AFAP1: variants seen among roughly 807,000 people sequenced by gnomAD.
The protein encoded by AFAP1 is actin filament-associated protein 1.
Under a neutral mutation model 93.9 loss-of-function variants are expected in AFAP1, and 75 were observed. The ratio of observed to expected loss-of-function variants is 0.80; its 90% CI spans 0.66 to 0.97. The LOEUF is 0.97. Ranked by LOEUF, AFAP1 falls within the 50% of genes least tolerant of loss-of-function variation. AFAP1 has a pLI of 0.00. For synonymous variants in AFAP1, 517 were observed against 430.7 expected, an observed-to-expected ratio of 1.20 and a Z score of -2.48; for missense variants, 1,201 against 1,050.8, an observed-to-expected ratio of 1.14 and a Z score of -1.98.
At chr4:7,927,666 T>C (rs1188136017) in intron 1 of AFAP1, among the ~76,000 whole-genome samples, 2 of 152,174 alleles carry the variant, frequency 1.3e-5, no homozygotes, top group African/African-American at 4.8e-5. Context: ...CTCTAAAAAT[T>C]TGTTTGTGTA....
At position 7,843,326 on chromosome 4, in the gene AFAP1, C is replaced by G. The variant is rs772911590; in HGVS notation, c.359G>C (p.Ser120Thr). The change falls in exon 5 of 18, where the codon AGC becomes ACC. Residue 120 changes from serine (S) to threonine (T), a missense_variant. Coordinates refer to ENST00000420658, the MANE Select transcript of AFAP1 (RefSeq NM_001134647.2). ...TSNYDSDAMSSSYESYDEEEE... is the reference protein window; with the variant it reads ...TSNYDSDAMSTSYESYDEEEE... ...CTCTTCATCATACGACTCATAAGAG[C>G]TGCTCATCGCATCGGAATCATAATC... The G allele has an allele frequency of 6.2e-7, 1 of 1,613,908 alleles. No homozygotes were observed. The highest frequency in any genetic ancestry group is 1.1e-5 in the South Asian group (1 of 91,008).
chr4:7,841,151 C>A (rs895779342), intron 5 of AFAP1, among the ~76,000 whole-genome samples: 1 of 152,184 alleles, frequency 6.6e-6, no homozygotes, highest in South Asian at 2.1e-4. Flanking sequence ...TATGAATGGG[C>A]GTCCTGAAGA....
intron 1 of AFAP1, among the ~76,000 whole-genome samples, chr4:7,909,939 C>G (rs1263890752): frequency 6.6e-6 from 1 of 152,128 alleles, no homozygotes. Context: ...CTAAGCACTA[C>G]GAATCGGGCT....
intron 1 of AFAP1, among the ~76,000 whole-genome samples, chr4:7,894,573 C>T (rs1319459707): frequency 1.3e-5 from 2 of 152,156 alleles, no homozygotes; most frequent in South Asian, 4.1e-4. Context: ...TGACCATGCT[C>T]CTTTCAGAAT....
Position 7,869,865 on chromosome 4 carries a change from A to T in AFAP1, c.128-1146T>A, listed in dbSNP as rs536173802. 3.1e-3 allele frequency among the ~76,000 whole-genome samples: 478 copies of T among 151,982 alleles called. 2 individuals carry two copies. Among genetic ancestry groups the T allele is most frequent in the Non-Finnish European group, 5.2e-3 (350 of 67,944 alleles). The stretch of plus-strand genomic sequence containing the variant: ...GATAAATGACACACACACACACACA[A>T]AATCAATAGATAGGTTTAAAGCAAA... On this transcript the variant is annotated intron_variant, in intron 2 of 17. Transcript: ENST00000420658.
At chr4:7,892,263 C>T (rs1354488433) in intron 1 of AFAP1, among the ~76,000 whole-genome samples, 1 of 152,134 alleles carries the variant, frequency 6.6e-6, no homozygotes, top group Non-Finnish European at 1.5e-5. Context: ...CTACACAGGC[C>T]TCTCGACATG....
rs28444363 is a variant in AFAP1 at position 7,848,963 on chromosome 4, C to A, written c.335-5613G>T. Among the ~76,000 whole-genome samples, 878 of 152,320 alleles carry A rather than the reference C, an allele frequency of 5.8e-3. 5 individuals are homozygous for A. The highest frequency in any genetic ancestry group is 0.019 in the African/African-American group (771 of 41,584). ...CACACACACTGCACATCAGGCACAT[C>A]AGAGCCAGCAACGGTGCCCTGAGAA... On this transcript the variant is annotated intron_variant, in intron 4 of 17. Coordinates refer to ENST00000420658, the MANE Select transcript of AFAP1 (RefSeq NM_001134647.2).
chr4:7,792,325 AC>A (rs1294976797), intron 11 of AFAP1, among the ~76,000 whole-genome samples: 4 of 151,684 alleles, frequency 2.6e-5, no homozygotes, highest in Non-Finnish European at 4.4e-5. Flanking sequence ...TCAAATGTTG[AC>A]CCCTTCATTA....
chr4:7,889,690 GTT>G (rs377063737), intron 1 of AFAP1, among the ~76,000 whole-genome samples: 27 of 107,212 alleles, frequency 2.5e-4, no homozygotes, highest in East Asian at 1.1e-3. Context: ...TCAATGAAGC[GTT>G]TTTTTTTTTT....
chr4:7,806,745 G>A (rs1719548591), intron 9 of AFAP1, among the ~76,000 whole-genome samples: 1 of 152,126 alleles, frequency 6.6e-6, no homozygotes, highest in Non-Finnish European at 1.5e-5. Flanking sequence ...AAAATCTTGT[G>A]GACAGAGGAT....
At chr4:7,886,347 G>C (rs562768952) in intron 1 of AFAP1, among the ~76,000 whole-genome samples, 1 of 152,296 alleles carries the variant, frequency 6.6e-6, no homozygotes, top group South Asian at 2.1e-4. Flanking sequence ...CACCTAAAAA[G>C]GGAAAGCAAA....
intron 3 of AFAP1, among the ~76,000 whole-genome samples, chr4:7,866,795 G>T (rs1577316425): frequency 6.6e-6 from 1 of 151,788 alleles, no homozygotes; most frequent in Non-Finnish European, 1.5e-5. Context: ...CTAGCATTTT[G>T]GGGGACCAAG....
intron 10 of AFAP1, among the ~76,000 whole-genome samples, chr4:7,795,346 A>T (rs1399364779): frequency 6.6e-6 from 1 of 151,438 alleles, no homozygotes; most frequent in East Asian, 1.9e-4. Flanking sequence ...CTGGATTAAA[A>T]CAAAAAAAAC....
At chr4:7,812,647 C>T (rs1009030717) in intron 8 of AFAP1, among the ~76,000 whole-genome samples, 6 of 152,142 alleles carry the variant, frequency 3.9e-5, no homozygotes, top group African/African-American at 1.4e-4. Flanking sequence ...CTGGAGTATC[C>T]AGGCACACGC....
chr4:7,915,075 G>C (rs893000057), intron 1 of AFAP1, among the ~76,000 whole-genome samples: 2 of 152,218 alleles, frequency 1.3e-5, no homozygotes, highest in South Asian at 2.1e-4. Flanking sequence ...GTAGAGACAG[G>C]GTTTCACTAT....
At chr4:7,773,790 GCCCGA>G (rs1476363917) in intron 15 of AFAP1, 2 of 152,602 alleles carry the variant, frequency 1.3e-5, no homozygotes, top group African/African-American at 2.4e-5. Context: ...TATAGGGTCA[GCCCGA>G]CCTGCCCTGC....
rs1467686918 is a variant in AFAP1 at position 7,819,153 on chromosome 4, T to C, written c.745A>G (p.Ser249Gly). 2 of 1,612,244 alleles carry C rather than the reference T, an allele frequency of 1.2e-6. No homozygotes were observed. Among genetic ancestry groups the C allele is most frequent in the Non-Finnish European group, 1.7e-6 (2 of 1,179,532 alleles). Residue 249 changes from serine (S) to glycine (G), a missense_variant, in exon 7 of 18, where the codon AGT becomes GGT. By Grantham distance (56) the Ser-to-Gly change is moderately conservative. Transcript: ENST00000420658. ...GAATCCACGGGGCCACTACAACCAC[T>C]GTAGGCTTCTTTGATCACCTATAAA... ...QWLKVIKEAY[S>G]GCSGPVDSEC...
intron 3 of AFAP1, among the ~76,000 whole-genome samples, chr4:7,861,549 A>G (rs1715688091): frequency 6.6e-6 from 1 of 152,248 alleles, no homozygotes; most frequent in African/African-American, 2.4e-5. Flanking sequence ...ATTGTCTCAC[A>G]TATTTTCTTA....
chr4:7,901,578 T>C (rs113545225), intron 1 of AFAP1, among the ~76,000 whole-genome samples: 6,373 of 152,212 alleles, frequency 0.042, 241 homozygotes, highest in African/African-American at 0.095. Flanking sequence ...GCCATTCACT[T>C]TGTGAGAGAA....
Sources: gnomAD v4.1 joint callset for allele counts (sites outside exome capture counted in the v4.1 genomes callset) on GRCh38, gnomAD v4.1.1 for gene constraint, MANE v1.5 for transcripts, NCBI Gene and HGNC (gene_info 2026-07-23, HGNC 2026-07-21) for gene names.